The following LPXN variants were observed in gnomAD, a reference collection of about 807,000 sequenced individuals.
LPXN encodes leupaxin.
Under a neutral mutation model 45.6 loss-of-function variants are expected in LPXN, and 28 were observed. That is an observed-to-expected ratio of 0.61 (90% CI 0.45 to 0.84). The LOEUF (loss-of-function observed/expected upper bound fraction) is 0.84, where lower values mean the gene tolerates loss of function less well. LPXN is among the 40% of genes least tolerant of loss of function. LPXN has a pLI of 0.00. For synonymous variants in LPXN, 166 were observed against 169.9 expected (o/e 0.98, Z 0.18); for missense variants, 459 against 475.0 (o/e 0.97, Z 0.31).
rs147246462 is a variant in LPXN, at chr11:58,539,793, T to A, written c.742+9993A>T. 8.5e-4 allele frequency among the ~76,000 whole-genome samples: 129 copies of A among 152,320 alleles called. 1 individual carries two copies. In the East Asian group the frequency reaches 0.022, roughly 26 times the overall value. ...CTTATCTCACCTTTCCTGTATGAGA[T>A]ATATTCCAAGATAACCCAATAACTG... On this transcript the variant is annotated intron_variant, in intron 7 of 8. Coordinates refer to ENST00000395074, the MANE Select transcript of LPXN (RefSeq NM_004811.3).
chr11:58,540,131 T>C (rs1853670909), intron 7 of LPXN, among the ~76,000 whole-genome samples: 2 of 151,770 alleles, frequency 1.3e-5, no homozygotes, highest in Non-Finnish European at 2.9e-5. Context: ...TCTAAACTAA[T>C]AGTTTAAGGA....
chr11:58,534,932 A>C (rs1478629134), intron 7 of LPXN, among the ~76,000 whole-genome samples: 1 of 152,240 alleles, frequency 6.6e-6, no homozygotes, highest in Non-Finnish European at 1.5e-5. Context: ...GAAATGGATA[A>C]ATTCCTGGAC....
intron 1 of LPXN, among the ~76,000 whole-genome samples, chr11:58,571,292 C>A (rs556244549): frequency 1.3e-5 from 2 of 151,868 alleles, no homozygotes; most frequent in Non-Finnish European, 2.9e-5. Flanking sequence ...GTCGAGATCA[C>A]GCCACCACAC....
chr11:58,575,751 C>T lies in LPXN; in HGVS notation c.13+9G>A. 1.2e-6 allele frequency: 2 copies of T among 1,614,228 alleles called. No homozygotes were observed. The highest frequency in any genetic ancestry group is 8.5e-7 in the Non-Finnish European group (1 of 1,180,038). On this transcript the variant is annotated intron_variant, in intron 1 of 8. Coordinates refer to ENST00000395074, the MANE Select transcript of LPXN (RefSeq NM_004811.3). ...TCCCTCAGAGTTTCTCCTCAGGCTC[C>T]TCACTCACCTAACTCTTCCATTGTC...
intron 5 of LPXN, 100 bp downstream of exon 5, chr11:58,550,965 G>A: frequency 8.6e-7 from 1 of 1,162,764 alleles, no homozygotes; most frequent in Non-Finnish European, 1.2e-6. Flanking sequence ...AATTATTAAT[G>A]CTAACTAAAA....
At chr11:58,572,282 C>T (rs1400585463) in intron 1 of LPXN, among the ~76,000 whole-genome samples, 1 of 151,336 alleles carries the variant, frequency 6.6e-6, no homozygotes, top group Non-Finnish European at 1.5e-5. Context: ...TAGAAGAGAT[C>T]TAATCCTTTT....
intron 2 of LPXN, among the ~76,000 whole-genome samples, chr11:58,570,231 AG>A (rs901030382): frequency 6.6e-6 from 1 of 151,832 alleles, no homozygotes; most frequent in African/African-American, 2.4e-5. Flanking sequence ...TGAACCTGGG[AG>A]GTGAAGGTTG....
intron 7 of LPXN, among the ~76,000 whole-genome samples, chr11:58,528,683 A>G (rs1013218080): frequency 2.0e-5 from 3 of 152,334 alleles, no homozygotes; most frequent in Non-Finnish European, 1.5e-5. Context: ...TCTTGTCACC[A>G]TTATATCTCT....
At chr11:58,542,150 C>G (rs962806170) in intron 7 of LPXN, among the ~76,000 whole-genome samples, 194 of 151,580 alleles carry the variant, frequency 1.3e-3, no homozygotes, top group Non-Finnish European at 1.2e-3. Context: ...TGTAACTAAC[C>G]TGCACATTGT....
At chr11:58,551,006 C>T in intron 5 of LPXN, 59 bp downstream of exon 5, 1 of 1,434,274 alleles carries the variant, frequency 7.0e-7, no homozygotes, top group East Asian at 2.6e-5. Flanking sequence ...AAGAGCAAAC[C>T]TTGATGAGAC....
At chr11:58,556,645 A>C (rs1405189860) in intron 3 of LPXN, among the ~76,000 whole-genome samples, 1 of 152,162 alleles carries the variant, frequency 6.6e-6, no homozygotes, top group Non-Finnish European at 1.5e-5. Flanking sequence ...CAACCATTGG[A>C]ATGAATAAAA....
chr11:58,559,268 A>G (rs1319953831), intron 3 of LPXN, among the ~76,000 whole-genome samples: 1 of 152,096 alleles, frequency 6.6e-6, no homozygotes, highest in Admixed American at 6.5e-5. Flanking sequence ...AAATTTATAA[A>G]CACTTTTGCA....
intron 1 of LPXN, among the ~76,000 whole-genome samples, chr11:58,574,819 C>G (rs1854830001): frequency 6.6e-6 from 1 of 152,178 alleles, no homozygotes; most frequent in Admixed American, 6.5e-5. Context: ...TCCTCTGTTT[C>G]TCCAGCTTTG....
intron 7 of LPXN, among the ~76,000 whole-genome samples, chr11:58,532,220 C>T (rs566962339): frequency 2.6e-5 from 4 of 152,336 alleles, no homozygotes; most frequent in South Asian, 2.1e-4. Context: ...CCGCCATGCC[C>T]GAGACCCCCA....
At chr11:58,561,470 A>C (rs996927982) in intron 3 of LPXN, among the ~76,000 whole-genome samples, 4 of 152,120 alleles carry the variant, frequency 2.6e-5, no homozygotes, top group Admixed American at 2.6e-4. Flanking sequence ...TTAATCTGAG[A>C]GCAAAACCAG....
At position 58,527,248 on chromosome 11, in the gene LPXN, T is replaced by C. The variant is rs1464531728; in HGVS notation, c.*206A>G. ...TTGGAGAAGAGAGGGAGAAAGAGAA[T>C]TTATAGAATTAACTGTATAGAAGCC... On this transcript the variant is annotated 3_prime_UTR_variant, in exon 9 of 9. Transcript: ENST00000395074. The C allele has an allele frequency of 5.5e-6, 3 of 542,140 alleles. No homozygotes were observed. The highest frequency in any genetic ancestry group is 3.8e-5 in the African/African-American group (2 of 53,086). 33.6% of individuals were successfully genotyped at this position (542,140 alleles called of 1,614,324 possible).
Position 58,528,078 on chromosome 11 carries a change from C to T in LPXN, c.856G>A (p.Asp286Asn), listed in dbSNP as rs1853280095. The T allele has an allele frequency of 1.2e-6, 2 of 1,614,134 alleles. No individual in the cohort carries two copies. Among genetic ancestry groups the T allele is most frequent in the Non-Finnish European group, 1.7e-6 (2 of 1,180,054 alleles). ...AAGCACTCTGGGTGCCAGACAGTGT[C>T]CATGGCTGAAAGGTAGTTTTCCAAC... ...PVLENYLSAM[D>N]TVWHPECFVC... Residue 286 changes from aspartate to asparagine, a missense_variant, in exon 8 of 9, where the codon GAC (aspartate) becomes AAC (asparagine). Transcript: ENST00000395074.
At chr11:58,531,791 T>C (rs1244254094) in intron 7 of LPXN, among the ~76,000 whole-genome samples, 1 of 152,220 alleles carries the variant, frequency 6.6e-6, no homozygotes, top group African/African-American at 2.4e-5. Context: ...GGTGACAATG[T>C]GCTTGCAACC....
intron 7 of LPXN, among the ~76,000 whole-genome samples, chr11:58,533,179 C>G (rs2120199057): frequency 6.6e-6 from 1 of 152,300 alleles, no homozygotes; most frequent in Middle Eastern, 3.4e-3. Flanking sequence ...ACACTCACCG[C>G]AAGGGTCCGC....
Sources: allele counts gnomAD v4.1 joint callset (sites outside exome capture counted in the v4.1 genomes callset), GRCh38; gene constraint gnomAD v4.1.1; transcripts MANE v1.5; gene names NCBI Gene and HGNC (gene_info 2026-07-23, HGNC 2026-07-21).